The following NFIB variants were observed in gnomAD, a reference collection of about 807,000 sequenced individuals.
NFIB encodes nuclear factor I B.
Under a neutral mutation model 61.5 loss-of-function variants are expected in NFIB, and 11 were observed. The observed-to-expected ratio is 0.18, with a 90% CI of 0.11 to 0.30. The LOEUF is 0.30. Ranked by LOEUF, NFIB falls within the 10% of genes least tolerant of loss-of-function variation. NFIB has a pLI of 1.00. For missense variants in NFIB, 471 were observed against 608.9 expected, an observed-to-expected ratio of 0.77 and a Z score of 2.38; for synonymous variants, 260 against 216.5, an observed-to-expected ratio of 1.20 and a Z score of -1.76.
chr9:14,231,135 A>AAAATATATATATATAT (rs55959148), intron 2 of NFIB, among the ~76,000 whole-genome samples: 6 of 35,350 alleles, frequency 1.7e-4, no homozygotes, highest in Admixed American at 3.5e-4. Flanking sequence ...AAAAAAAAAA[A>AAAATATATATATATAT]ATATATATAT....
At chr9:14,206,268 C>A (rs544412241) in intron 2 of NFIB, among the ~76,000 whole-genome samples, 1 of 151,872 alleles carries the variant, frequency 6.6e-6, no homozygotes, top group South Asian at 2.1e-4. Flanking sequence ...CTCCGCCTCC[C>A]AAGGTTCAAA....
At position 14,144,860 on chromosome 9, in the gene NFIB, G is replaced by A. The variant is rs544482630; in HGVS notation, c.925+1829C>T. ...AGGTCATAACTTATAGGAAGGTCCC[G>A]GTTGTTGAATTCGCAACTTCAAGTA... is the stretch of plus-strand genomic sequence containing the variant. On this transcript the variant is annotated intron_variant, in intron 6 of 10. Coordinates refer to ENST00000380953, the MANE Select transcript of NFIB (RefSeq NM_001190737.2). Among the ~76,000 whole-genome samples the A allele has an allele frequency of 5.3e-5, 8 of 152,194 alleles. No individual in the cohort carries two copies. In the East Asian group the frequency reaches 9.7e-4, roughly 18 times the overall value.
chr9:14,516,664 T>C, the NFIB span, among the ~76,000 whole-genome samples: 36,974 of 152,116 alleles, frequency 0.24, 4,855 homozygotes, highest in East Asian at 0.42. Flanking sequence ...TAATTAATAC[T>C]TCCACATTAA....
the NFIB span, among the ~76,000 whole-genome samples, chr9:14,508,906 G>T: frequency 6.6e-6 from 1 of 152,144 alleles, no homozygotes; most frequent in Non-Finnish European, 1.5e-5. Flanking sequence ...AAACTTATTT[G>T]TTTGACATCC....
rs199891065 is a variant in NFIB at position 14,082,770 on chromosome 9, TAA to T, written c.*5537_*5538del. 0.011 allele frequency: 1,656 copies of T among 156,072 alleles called. 25 individuals are homozygous for T. Among genetic ancestry groups the T allele is most frequent in the African/African-American group, 0.041 (1,487 of 36,196 alleles). 9.7% of individuals were successfully genotyped at this position (156,072 alleles called of 1,614,324 possible). A position where few individuals can be genotyped will look rare whatever the true frequency, so the allele number is the denominator to read the frequency against. On this transcript the variant is annotated 3_prime_UTR_variant, in exon 11 of 11. Transcript: ENST00000380953. ...AGGATGCATAAAAAGCCATACTTCT[TAA>T]AAAAAAAAAAAAGAAAAAAAAAGAC...
chr9:14,398,495 C>G, intron 1 of NFIB: 19 of 1,493,176 alleles, frequency 1.3e-5, no homozygotes, highest in Non-Finnish European at 1.7e-5. Flanking sequence ...GAAAGAAAAA[C>G]TGGTTAAATT....
chr9:14,366,376 C>T (rs2061300268), intron 1 of NFIB, among the ~76,000 whole-genome samples: 1 of 152,202 alleles, frequency 6.6e-6, no homozygotes, highest in African/African-American at 2.4e-5. Flanking sequence ...TAAAACTCTC[C>T]AGATTTATTA....
the NFIB span, among the ~76,000 whole-genome samples, chr9:14,434,673 G>A: frequency 2.0e-5 from 3 of 152,148 alleles, no homozygotes; most frequent in African/African-American, 7.2e-5. Flanking sequence ...ACATTAGTGA[G>A]CCACCACACA....
At chr9:14,456,289 T>G in the NFIB span, among the ~76,000 whole-genome samples, 2 of 152,100 alleles carry the variant, frequency 1.3e-5, no homozygotes, top group African/African-American at 4.8e-5. Context: ...GGAAAGACTT[T>G]TAAAGCTATG....
At chr9:14,288,654 G>A (rs905616987) in intron 2 of NFIB, among the ~76,000 whole-genome samples, 9 of 151,922 alleles carry the variant, frequency 5.9e-5, no homozygotes, top group Non-Finnish European at 8.8e-5. Context: ...AGAAAGCTCC[G>A]CAAATCTAAC....
intron 2 of NFIB, among the ~76,000 whole-genome samples, chr9:14,234,906 C>A (rs2053591022): frequency 6.7e-6 from 1 of 150,078 alleles, no homozygotes; most frequent in Non-Finnish European, 1.5e-5. Flanking sequence ...ACTGGATCAA[C>A]CAGGGGACAA....
intron 2 of NFIB, among the ~76,000 whole-genome samples, chr9:14,234,517 G>A (rs955154181): frequency 2.6e-5 from 4 of 151,512 alleles, no homozygotes; most frequent in South Asian, 2.1e-4. Context: ...TTACAGGCAC[G>A]CACCACCACG....
chr9:14,274,951 T>C (rs1033837), intron 2 of NFIB, among the ~76,000 whole-genome samples: 135,909 of 152,164 alleles, frequency 0.89, 60,978 homozygotes, highest in Non-Finnish European at 0.94. Flanking sequence ...TTTGGAAACA[T>C]TGTTTAGGCA....
At chr9:14,254,506 C>T (rs1175964210) in intron 2 of NFIB, among the ~76,000 whole-genome samples, 1 of 152,112 alleles carries the variant, frequency 6.6e-6, no homozygotes, top group East Asian at 1.9e-4. Context: ...AGCATGGAGA[C>T]ACGCATCTTC....
At chr9:14,521,674 G>C in the NFIB span, among the ~76,000 whole-genome samples, 1 of 152,120 alleles carries the variant, frequency 6.6e-6, no homozygotes, top group Non-Finnish European at 1.5e-5. Context: ...TCAGTTAATG[G>C]AATCTTTCAA....
chr9:14,238,203 A>T (rs1397585531), intron 2 of NFIB, among the ~76,000 whole-genome samples: 5 of 152,084 alleles, frequency 3.3e-5, no homozygotes, highest in Admixed American at 1.3e-4. Flanking sequence ...AAGGACAGAC[A>T]GAGCAAAGTG....
the NFIB span, among the ~76,000 whole-genome samples, chr9:14,424,197 G>C: frequency 6.6e-6 from 1 of 152,174 alleles, no homozygotes; most frequent in Non-Finnish European, 1.5e-5. Flanking sequence ...GATGGGAAAT[G>C]AATCAGATAT....
At chr9:14,172,483 A>G (rs1342498956) in intron 3 of NFIB, among the ~76,000 whole-genome samples, 2 of 152,222 alleles carry the variant, frequency 1.3e-5, no homozygotes, top group Admixed American at 1.3e-4. Context: ...AGCTTCTACA[A>G]GATAAATTCT....
At chr9:14,247,909 A>G (rs962302355) in intron 2 of NFIB, among the ~76,000 whole-genome samples, 1 of 151,318 alleles carries the variant, frequency 6.6e-6, no homozygotes, top group African/African-American at 2.4e-5. Flanking sequence ...TTGTCTACAC[A>G]GTATCTACTA....
Sources: allele counts gnomAD v4.1 joint callset (sites outside exome capture counted in the v4.1 genomes callset), GRCh38; gene constraint gnomAD v4.1.1; transcripts MANE v1.5; gene names NCBI Gene and HGNC (gene_info 2026-07-23, HGNC 2026-07-21).